SLC9A8: variants seen among roughly 807,000 people sequenced by gnomAD.
SLC9A8 encodes the protein sodium/hydrogen exchanger 8.
A neutral mutation model predicts 66.6 loss-of-function variants in SLC9A8; 48 were observed. The ratio of observed to expected loss-of-function variants is 0.72; its 90% CI spans 0.57 to 0.92. The LOEUF is 0.92. SLC9A8 is among the 40% of genes least tolerant of loss of function. The pLI is 0.00. For synonymous variants in SLC9A8, 274 were observed against 282.6 expected, an observed-to-expected ratio of 0.97 and a Z score of 0.31; for missense variants, 599 against 747.3, an observed-to-expected ratio of 0.80 and a Z score of 2.31.
intron 12 of SLC9A8, 58 bp downstream of exon 12, chr20:49,878,121 C>G: frequency 9.7e-7 from 1 of 1,030,070 alleles, no homozygotes; most frequent in Non-Finnish European, 1.4e-6. Context: ...TCAATAAACA[C>G]ATGTTCCGGA....
intron 10 of SLC9A8, among the ~76,000 whole-genome samples, chr20:49,866,715 G>A (rs2088983682): frequency 1.3e-5 from 2 of 151,724 alleles, no homozygotes; most frequent in African/African-American, 4.8e-5. Context: ...TTTTTGTTCC[G>A]CCTTCCTCTT....
chr20:49,880,062 A>G (rs1008223192), intron 12 of SLC9A8, among the ~76,000 whole-genome samples: 1 of 151,878 alleles, frequency 6.6e-6, no homozygotes, highest in African/African-American at 2.4e-5. Flanking sequence ...GGAGTTTGAG[A>G]CCAGCCTGGG....
At chr20:49,837,818 T>C (rs569516906) in intron 3 of SLC9A8, among the ~76,000 whole-genome samples, 5 of 152,160 alleles carry the variant, frequency 3.3e-5, no homozygotes, top group Admixed American at 2.6e-4. Context: ...ATCTGCCCGC[T>C]TCAGCCTCCT....
chr20:49,825,739 G>A (rs1428629784), intron 3 of SLC9A8, among the ~76,000 whole-genome samples: 1 of 152,178 alleles, frequency 6.6e-6, no homozygotes, highest in African/African-American at 2.4e-5. Context: ...TTGAGACTTA[G>A]CTGAATCAGG....
intron 13 of SLC9A8, among the ~76,000 whole-genome samples, chr20:49,881,569 T>G (rs1415124423): frequency 6.6e-6 from 1 of 152,220 alleles, no homozygotes. Context: ...TAGGCATCCT[T>G]AAATTTATTT....
rs1273838763 is a variant in SLC9A8, at chr20:49,890,616, C to G, written c.*2680C>G. 1 of 152,242 alleles carries G rather than the reference C, an allele frequency of 6.6e-6. No homozygotes were observed. The allele number at this position is 152,242 out of a possible 1,614,324, so 9.4% of individuals were successfully genotyped here. On this transcript the variant is annotated 3_prime_UTR_variant, in exon 16 of 16. Coordinates refer to ENST00000361573, the MANE Select transcript of SLC9A8 (RefSeq NM_015266.3). ...TCTGCAGCCTGTAGTTGTTATGACC[C>G]CTCGGAACAACCACCCCGTGGCTTG...
At position 49,880,913 on chromosome 20, in the gene SLC9A8, G is replaced by A. The variant is rs202016859; in HGVS notation, c.1159-11G>A. On this transcript the variant is annotated splice_polypyrimidine_tract_variant and intron_variant, in intron 12 of 15. Transcript: ENST00000361573. The stretch of plus-strand genomic sequence containing the variant: ...GTTTTCACCTAAGACTTAGTTTGTT[G>A]CTATCAACAGGTGCTTGTACTATTT... 1 of 1,577,530 alleles carries A rather than the reference G, an allele frequency of 6.3e-7. No individual in the cohort carries two copies. The highest frequency in any genetic ancestry group is 1.7e-5 in the Admixed American group (1 of 59,974).
intron 3 of SLC9A8, chr20:49,829,671 C>A: frequency 2.1e-6 from 1 of 473,228 alleles, no homozygotes; most frequent in Non-Finnish European, 4.1e-6. Context: ...TAAACTATTC[C>A]AGCAAGCGGT....
At position 49,869,682 on chromosome 20, in the gene SLC9A8, T is replaced by C. The variant is rs947272934; in HGVS notation, c.958+4838T>C. On this transcript the variant is annotated intron_variant, in intron 10 of 15. Transcript: ENST00000361573. ...CCCCATCTCTACTAAAAATACAAAA[T>C]ATTATCTGGGCATGGTGGCACGTGC... Among the ~76,000 whole-genome samples, 15 of 151,584 alleles carry C rather than the reference T, an allele frequency of 9.9e-5. No individual in the cohort carries two copies. In the East Asian group the frequency reaches 2.7e-3, roughly 28 times the overall value.
At chr20:49,882,790 G>A (rs1431634115) in intron 13 of SLC9A8, among the ~76,000 whole-genome samples, 17 of 152,198 alleles carry the variant, frequency 1.1e-4, no homozygotes, top group Admixed American at 5.9e-4. Flanking sequence ...TACATGTCCC[G>A]TGTCACTGAA....
At chr20:49,845,875 C>T (rs997735775) in intron 5 of SLC9A8, among the ~76,000 whole-genome samples, 1 of 152,062 alleles carries the variant, frequency 6.6e-6, no homozygotes, top group Non-Finnish European at 1.5e-5. Flanking sequence ...CACTCTGTCA[C>T]CCAGGCTGGA....
At chr20:49,826,148 G>A (rs1472943570) in intron 3 of SLC9A8, among the ~76,000 whole-genome samples, 1 of 152,210 alleles carries the variant, frequency 6.6e-6, no homozygotes, top group Non-Finnish European at 1.5e-5. Context: ...AAACCCAAGA[G>A]CACTTCCAGG....
Position 49,884,018 on chromosome 20 carries a change from A to G in SLC9A8, c.1443A>G (p.Ala481=). Residue 481 remains alanine (A), a synonymous_variant, in exon 14 of 16, where the codon GCA becomes GCG. Coordinates refer to ENST00000361573, the MANE Select transcript of SLC9A8 (RefSeq NM_015266.3). The part of the protein sequence containing the change: ...IRLMDIEDAK[A]HRRNKKDVNL... The stretch of plus-strand genomic sequence containing the variant: ...TCATGGACATCGAGGACGCCAAGGC[A>G]CACCGCAGGAACAAGAAGGACGTCA... The G allele has an allele frequency of 6.2e-7, 1 of 1,613,724 alleles. No individual in the cohort carries two copies. Among genetic ancestry groups the G allele is most frequent in the Non-Finnish European group, 8.5e-7 (1 of 1,180,006 alleles).
chr20:49,834,452 GTATATA>G (rs1194189186), intron 3 of SLC9A8, among the ~76,000 whole-genome samples: 1 of 68,546 alleles, frequency 1.5e-5, no homozygotes, highest in Non-Finnish European at 3.2e-5. Context: ...TATATATACT[GTATATA>G]TATATACTGT....
chr20:49,852,747 C>G (rs2088305219), intron 7 of SLC9A8, among the ~76,000 whole-genome samples: 1 of 151,642 alleles, frequency 6.6e-6, no homozygotes, highest in Admixed American at 6.6e-5. Flanking sequence ...GTATTTCAGA[C>G]TTCTCATCTT....
At chr20:49,813,188 G>T (rs1461374303) in intron 1 of SLC9A8, among the ~76,000 whole-genome samples, 1 of 152,230 alleles carries the variant, frequency 6.6e-6, no homozygotes, top group South Asian at 2.1e-4. Flanking sequence ...CGCAGGCCCG[G>T]AGAGCTGTCT....
At chr20:49,882,699 A>G (rs2089675397) in intron 13 of SLC9A8, among the ~76,000 whole-genome samples, 1 of 152,180 alleles carries the variant, frequency 6.6e-6, no homozygotes, top group South Asian at 2.1e-4. Context: ...CCCTTGCCCA[A>G]GAAATCCTAC....
chr20:49,834,450 CTGT>C (rs2087443239), intron 3 of SLC9A8, among the ~76,000 whole-genome samples: 1 of 51,842 alleles, frequency 1.9e-5, no homozygotes, highest in Non-Finnish European at 4.5e-5. Flanking sequence ...TATATATATA[CTGT>C]ATATATATAT....
At chr20:49,839,162 T>C (rs1033520097) in intron 3 of SLC9A8, among the ~76,000 whole-genome samples, 10 of 152,200 alleles carry the variant, frequency 6.6e-5, no homozygotes, top group African/African-American at 2.4e-4. Flanking sequence ...GGATTCTTTT[T>C]TGAAAATGAT....
Sources: gnomAD v4.1 joint callset for allele counts (sites outside exome capture counted in the v4.1 genomes callset) on GRCh38, gnomAD v4.1.1 for gene constraint, MANE v1.5 for transcripts, NCBI Gene and HGNC (gene_info 2026-07-23, HGNC 2026-07-21) for gene names.